The following SDK1 variants were observed in gnomAD, a reference collection of about 807,000 sequenced individuals.
SDK1 encodes the protein protein sidekick-1.
A neutral mutation model predicts 245.5 loss-of-function variants in SDK1; 157 were observed. That is an observed-to-expected ratio of 0.64 (90% CI 0.56 to 0.73). The LOEUF (loss-of-function observed/expected upper bound fraction) is 0.73, where lower values mean the gene tolerates loss of function less well. Ranked by LOEUF, SDK1 falls within the 30% of genes least tolerant of loss-of-function variation. SDK1 has a pLI of 0.00. For synonymous variants in SDK1, 1,647 were observed against 1,278.5 expected, an observed-to-expected ratio of 1.29 and a Z score of -6.15; for missense variants, 3,583 against 3,002.3, an observed-to-expected ratio of 1.19 and a Z score of -4.52.
chr7:4,076,355 A>C (rs1191811682), intron 20 of SDK1, among the ~76,000 whole-genome samples: 2 of 152,166 alleles, frequency 1.3e-5, no homozygotes, highest in Non-Finnish European at 2.9e-5. Context: ...GGAATTCCAG[A>C]CCAGCCTGGG....
At chr7:3,504,325 C>T (rs1043913686) in intron 1 of SDK1, among the ~76,000 whole-genome samples, 1 of 151,370 alleles carries the variant, frequency 6.6e-6, no homozygotes. Context: ...TAAAACCACA[C>T]AGTGATAATA....
Position 4,266,000 on chromosome 7 carries a change from C to G in SDK1, c.*616C>G. The G allele has an allele frequency of 1.0e-6, 1 of 985,596 alleles. No individual in the cohort carries two copies. Among genetic ancestry groups the G allele is most frequent in the Non-Finnish European group, 1.2e-6 (1 of 830,028 alleles). 61.1% of individuals were successfully genotyped at this position (985,596 alleles called of 1,614,324 possible). The stretch of plus-strand genomic sequence containing the variant: ...GGTTCCTGACGGCCAGGCAGGGATG[C>G]TAAGGTGTGGCTCAGCCGTCACTGT... On this transcript the variant is annotated 3_prime_UTR_variant, in exon 45 of 45. Coordinates refer to ENST00000404826, the MANE Select transcript of SDK1 (RefSeq NM_152744.4).
chr7:3,785,840 G>C (rs186538533), intron 4 of SDK1, among the ~76,000 whole-genome samples: 2 of 152,242 alleles, frequency 1.3e-5, no homozygotes, highest in Non-Finnish European at 2.9e-5. Flanking sequence ...TGCTTCTGCT[G>C]TCAGTCACAT....
intron 5 of SDK1, among the ~76,000 whole-genome samples, chr7:3,851,279 A>G (rs1171130212): frequency 6.6e-6 from 1 of 152,208 alleles, no homozygotes; most frequent in Non-Finnish European, 1.5e-5. Context: ...GTCTTTTTTA[A>G]TTGAATTATT....
At chr7:3,669,265 C>A (rs1313481192) in intron 4 of SDK1, among the ~76,000 whole-genome samples, 1 of 152,114 alleles carries the variant, frequency 6.6e-6, no homozygotes, top group African/African-American at 2.4e-5. Context: ...GATTAAAAAC[C>A]TGTTAAAGTT....
chr7:3,854,178 C>T (rs1312629578), intron 5 of SDK1, among the ~76,000 whole-genome samples: 3 of 151,878 alleles, frequency 2.0e-5, no homozygotes, highest in African/African-American at 7.3e-5. Context: ...TTTTAGGAGC[C>T]AAAGGTTATG....
intron 1 of SDK1, among the ~76,000 whole-genome samples, chr7:3,545,865 T>C (rs565228619): frequency 2.6e-5 from 4 of 152,350 alleles, no homozygotes; most frequent in South Asian, 4.1e-4. Context: ...ACCTAAAATA[T>C]AATTTCTGTT....
At chr7:4,213,583 CAA>C (rs113155169) in intron 38 of SDK1, among the ~76,000 whole-genome samples, 2 of 134,670 alleles carry the variant, frequency 1.5e-5, no homozygotes, top group African/African-American at 2.7e-5. Context: ...GATTCTGTCT[CAA>C]AAAAAAAAAA....
chr7:4,242,006 G>T, intron 43 of SDK1, 93 bp downstream of exon 43: 1 of 1,460,612 alleles, frequency 6.8e-7, no homozygotes. Flanking sequence ...CCTGCATCCC[G>T]CCCTGTGGTT....
chr7:3,322,217 A>C (rs567918622), intron 1 of SDK1, among the ~76,000 whole-genome samples: 2 of 152,226 alleles, frequency 1.3e-5, no homozygotes, highest in East Asian at 3.9e-4. Context: ...GGATTTATCT[A>C]TTCTGAATAT....
intron 16 of SDK1, among the ~76,000 whole-genome samples, chr7:4,014,096 C>T (rs552417652): frequency 3.4e-4 from 52 of 152,368 alleles, no homozygotes; most frequent in Admixed American, 2.5e-3. Flanking sequence ...CTGTACCCAG[C>T]AGCACAGGCC....
chr7:3,877,729 G>A (rs749298546), intron 5 of SDK1, among the ~76,000 whole-genome samples: 6 of 152,148 alleles, frequency 3.9e-5, no homozygotes, highest in African/African-American at 1.2e-4. Context: ...ATGGAGATTC[G>A]TATAAGACGG....
intron 1 of SDK1, among the ~76,000 whole-genome samples, chr7:3,560,262 C>G (rs544706464): frequency 6.6e-6 from 1 of 152,230 alleles, no homozygotes; most frequent in Admixed American, 6.5e-5. Flanking sequence ...ATACAAATGT[C>G]CAATTAATTA....
At chr7:4,068,708 T>C (rs574840811) in intron 20 of SDK1, among the ~76,000 whole-genome samples, 8 of 149,492 alleles carry the variant, frequency 5.4e-5, no homozygotes, top group African/African-American at 2.0e-4. Flanking sequence ...TTAGGGTTTT[T>C]AATGATTTTA....
chr7:3,578,079 C>T (rs368389735), intron 1 of SDK1, among the ~76,000 whole-genome samples: 1 of 152,068 alleles, frequency 6.6e-6, no homozygotes, highest in Admixed American at 6.5e-5. Context: ...TTTTCTCTCT[C>T]TAATTTGCAT....
At chr7:3,314,256 A>G (rs1351117454) in intron 1 of SDK1, among the ~76,000 whole-genome samples, 2 of 152,354 alleles carry the variant, frequency 1.3e-5, no homozygotes, top group African/African-American at 2.4e-5. Context: ...CTGCTGATCA[A>G]CAGGAGTGAG....
At chr7:4,152,014 T>G (rs1363451171) in intron 30 of SDK1, among the ~76,000 whole-genome samples, 4 of 152,140 alleles carry the variant, frequency 2.6e-5, no homozygotes, top group Non-Finnish European at 5.9e-5. Flanking sequence ...AGTCTCCCCT[T>G]AGTAGCTGCG....
chr7:3,343,951 CA>C (rs1306208435), intron 1 of SDK1, among the ~76,000 whole-genome samples: 1 of 145,786 alleles, frequency 6.9e-6, no homozygotes, highest in Non-Finnish European at 1.5e-5. Flanking sequence ...TGATAAAAGA[CA>C]TTTATGAAGA....
intron 17 of SDK1, among the ~76,000 whole-genome samples, chr7:4,048,413 A>G (rs940725383): frequency 2.6e-5 from 4 of 152,110 alleles, no homozygotes; most frequent in African/African-American, 9.7e-5. Context: ...TGTATGCGTC[A>G]TCAGCCGTGC....
Sources: allele counts gnomAD v4.1 joint callset (sites outside exome capture counted in the v4.1 genomes callset), GRCh38; gene constraint gnomAD v4.1.1; transcripts MANE v1.5; gene names NCBI Gene and HGNC (gene_info 2026-07-23, HGNC 2026-07-21).